PHIP: variants seen among roughly 807,000 people sequenced by gnomAD.
The protein encoded by PHIP is PHIP subunit of CUL4-Ring ligase complex, also known as PH-interacting protein.
Under a neutral mutation model 236.8 loss-of-function variants are expected in PHIP, and 54 were observed. That is an observed-to-expected ratio of 0.23 (90% confidence interval 0.18 to 0.29). PHIP has a LOEUF of 0.29. Among genes scored for constraint, PHIP ranks in the 10% least tolerant of loss-of-function variants. PHIP has a pLI of 1.00. For missense variants in PHIP, 1,370 were observed against 2,190.8 expected, an observed-to-expected ratio of 0.63 and a Z score of 7.48; for synonymous variants, 756 against 718.9, an observed-to-expected ratio of 1.05 and a Z score of -0.83.
intron 24 of PHIP, among the ~76,000 whole-genome samples, chr6:78,974,091 C>T (rs1277427242): frequency 1.3e-5 from 2 of 152,036 alleles, no homozygotes; most frequent in Admixed American, 6.6e-5. Context: ...CAGCACCACA[C>T]CACACCTATT....
chr6:79,042,966 G>A lies in PHIP; in HGVS notation c.477C>T (p.Tyr159=), dbSNP rs199584192. The change falls in exon 7 of 40, where the codon TAC becomes TAT. Residue 159 remains tyrosine (Y), a synonymous_variant. Transcript: ENST00000275034. The part of the protein sequence containing the change: ...TLFSRKLNGK[Y]RLERLVPTAV... The stretch of plus-strand genomic sequence containing the variant: ...CAGTTGGAACAAGTCGCTCAAGTCT[G>A]TATTTCCCATTCAGCTTCCTTGAAA... The A allele has an allele frequency of 2.6e-5, 42 of 1,610,288 alleles. No individual in the cohort carries two copies. The highest frequency in any genetic ancestry group is 1.1e-4 in the East Asian group (5 of 44,804).
In PHIP at chr6:78,938,164, G is replaced by C. The variant is rs933181202; in HGVS notation, c.*2529C>G. ...AAAAATATAAAATCTAAATATATTG[G>C]TATTACTAATACATGTTTAAGTGTT... On this transcript the variant is annotated 3_prime_UTR_variant, in exon 40 of 40. Coordinates refer to ENST00000275034, the MANE Select transcript of PHIP (RefSeq NM_017934.7). 3 of 151,584 alleles carry C rather than the reference G, an allele frequency of 2.0e-5. No homozygotes were observed. Among genetic ancestry groups the C allele is most frequent in the Admixed American group, 1.3e-4 (2 of 15,228 alleles). The allele number at this position is 151,584 out of a possible 1,614,324, so 9.4% of individuals were successfully genotyped here. A position where few individuals can be genotyped will look rare whatever the true frequency, so the allele number is the denominator to read the frequency against.
At chr6:79,076,471 A>T (rs1305567177) in intron 4 of PHIP, among the ~76,000 whole-genome samples, 1 of 152,228 alleles carries the variant, frequency 6.6e-6, no homozygotes, top group African/African-American at 2.4e-5. Flanking sequence ...AGTTTAGGAG[A>T]AAGTGTTACA....
intron 14 of PHIP, 149 bp from the exon 15 acceptor site, chr6:79,015,365 A>G: frequency 1.5e-6 from 1 of 682,984 alleles, no homozygotes; most frequent in Admixed American, 2.9e-5. Flanking sequence ...TCATGTATAT[A>G]TAATAATGAA....
At position 79,019,081 on chromosome 6, in the gene PHIP, A is replaced by C. The variant is rs760751341; in HGVS notation, c.994+8T>G. ...TTTAAGTCGAAAATTAGAATGAGGG[A>C]AACTTACCAGCACTAAAAGAAGAAC... is the stretch of plus-strand genomic sequence containing the variant. On this transcript the variant is annotated splice_region_variant and intron_variant, in intron 10 of 39. Coordinates refer to ENST00000275034, the MANE Select transcript of PHIP (RefSeq NM_017934.7). The C allele has an allele frequency of 2.5e-6, 4 of 1,604,234 alleles. No homozygotes were observed. In the Admixed American group the frequency reaches 6.7e-5, roughly 27 times the overall value.
intron 33 of PHIP, 120 bp downstream of exon 33, chr6:78,955,493 T>TTA (rs1766357487): frequency 4.2e-5 from 21 of 502,916 alleles, no homozygotes; most frequent in South Asian, 1.2e-4. Context: ...TTTTTTTTTT[T>TTA]AAATTAACTA....
chr6:79,024,989 G>A (rs568321742), intron 9 of PHIP, among the ~76,000 whole-genome samples: 9 of 152,190 alleles, frequency 5.9e-5, no homozygotes, highest in Admixed American at 3.3e-4. Context: ...TTGATAAACC[G>A]AAGTATTAAT....
intron 20 of PHIP, 112 bp from the exon 21 acceptor site, chr6:78,988,461 G>T: frequency 1.4e-6 from 1 of 699,476 alleles, no homozygotes; most frequent in Non-Finnish European, 2.2e-6. Context: ...GGTGGCGCAT[G>T]CCTATAGTCC....
rs945810275 is a variant in PHIP, at chr6:79,026,381, G to A, written c.601-217C>T. On this transcript the variant is annotated intron_variant, in intron 7 of 39. Coordinates refer to ENST00000275034, the MANE Select transcript of PHIP (RefSeq NM_017934.7). ...CCAGCAAATAAGACAAGTGGGATAA[G>A]ATAATTAATATTTACCTTTGGTTCC... Among the ~76,000 whole-genome samples, 10 of 151,804 alleles carry A rather than the reference G, an allele frequency of 6.6e-5. No individual in the cohort carries two copies. The East Asian group carries it at 1.2e-3, about 18-fold the overall frequency.
rs749664802 is a variant in PHIP, at chr6:78,997,539, A to G, written c.2076T>C (p.Ser692=). The G allele has an allele frequency of 3.1e-6, 5 of 1,614,024 alleles. No homozygotes were observed. Among genetic ancestry groups the G allele is most frequent in the Admixed American group, 3.3e-5 (2 of 60,008 alleles). The change falls in exon 19 of 40, where the codon AGT becomes AGC. Residue 692 remains serine (S), a synonymous_variant. Transcript: ENST00000275034. ...TTTGCCGTACACCTTCAATTTGTCC[A>G]CTACGTCTTAGTCCTACGTTTGGTG... is the stretch of plus-strand genomic sequence containing the variant. ...HSPPNVGLRR[S]GQIEGVRQMH... is the part of the protein sequence containing the mutation.
rs1769763955 is a variant in PHIP, at chr6:78,998,381, T to C, written c.1890A>G (p.Gln630=). ...QMGVTSSGLN[Q]VLSQQANQEI... is the part of the protein sequence containing the mutation. ...CCTGGTTTGCTTGCTGACTTAAAAC[T>C]TGATTCAGTCCTATACAATACCACA... The change falls in exon 18 of 40, where the codon CAA becomes CAG. Residue 630 remains glutamine (Q), a synonymous_variant. Coordinates refer to ENST00000275034, the MANE Select transcript of PHIP (RefSeq NM_017934.7). 6.2e-7 allele frequency: 1 copy of C among 1,613,606 alleles called. No homozygotes were observed. Among genetic ancestry groups the C allele is most frequent in the South Asian group, 1.1e-5 (1 of 91,068 alleles).
chr6:79,067,047 C>T (rs1773658665), intron 4 of PHIP, among the ~76,000 whole-genome samples: 1 of 152,066 alleles, frequency 6.6e-6, no homozygotes, highest in African/African-American at 2.4e-5. Context: ...TTACATCACA[C>T]CTAATTTTTA....
chr6:78,978,809 G>A (rs887114855), intron 23 of PHIP, 98 bp from the exon 24 acceptor site: 45 of 971,302 alleles, frequency 4.6e-5, no homozygotes, highest in Non-Finnish European at 6.6e-5. Flanking sequence ...TTAAATAAAA[G>A]GGGAAGGGCA....
intron 9 of PHIP, among the ~76,000 whole-genome samples, chr6:79,023,698 A>T (rs1024248560): frequency 6.6e-6 from 1 of 152,108 alleles, no homozygotes; most frequent in African/African-American, 2.4e-5. Context: ...GTAGTGGTTT[A>T]TATGTGATTC....
intron 4 of PHIP, 31 bp from the exon 5 acceptor site, chr6:79,060,849 T>C (rs770287877): frequency 7.2e-7 from 1 of 1,398,266 alleles, no homozygotes; most frequent in Non-Finnish European, 9.7e-7. Flanking sequence ...ATAGTAGGTT[T>C]CAGTTTATCA....
At chr6:79,022,398 T>A (rs1371793978) in intron 9 of PHIP, among the ~76,000 whole-genome samples, 2 of 152,176 alleles carry the variant, frequency 1.3e-5, no homozygotes, top group Non-Finnish European at 2.9e-5. Flanking sequence ...GCACAGTGGT[T>A]AAAAGGGGTT....
At chr6:79,044,127 C>A (rs1042827724) in intron 6 of PHIP, among the ~76,000 whole-genome samples, 1 of 151,970 alleles carries the variant, frequency 6.6e-6, no homozygotes, top group Non-Finnish European at 1.5e-5. Context: ...AATCTTTGGG[C>A]CTGGTGAGGA....
At chr6:78,967,976 T>C (rs951340534) in intron 27 of PHIP, among the ~76,000 whole-genome samples, 3 of 150,210 alleles carry the variant, frequency 2.0e-5, no homozygotes, top group African/African-American at 7.4e-5. Flanking sequence ...CTACTAAAAA[T>C]ACAAAAAAAA....
intron 4 of PHIP, among the ~76,000 whole-genome samples, chr6:79,066,854 T>C (rs976165498): frequency 6.6e-6 from 1 of 152,150 alleles, no homozygotes; most frequent in Non-Finnish European, 1.5e-5. Flanking sequence ...GTATCAGTAG[T>C]GCTCAAAACT....
Sources: allele counts gnomAD v4.1 joint callset (sites outside exome capture counted in the v4.1 genomes callset), GRCh38; gene constraint gnomAD v4.1.1; transcripts MANE v1.5; gene names NCBI Gene and HGNC (gene_info 2026-07-23, HGNC 2026-07-21).